CLSTN2: variants seen among roughly 807,000 people sequenced by gnomAD.
The protein encoded by CLSTN2 is calsyntenin 2, also known as calsyntenin-2.
A neutral mutation model predicts 101.2 loss-of-function variants in CLSTN2; 48 were observed. The ratio of observed to expected loss-of-function variants is 0.47; its 90% CI spans 0.38 to 0.60. The LOEUF is 0.60. Ranked by LOEUF, CLSTN2 falls within the 20% of genes least tolerant of loss-of-function variation. The pLI is 0.00. For missense variants in CLSTN2, 1,160 were observed against 1,238.2 expected, an observed-to-expected ratio of 0.94 and a Z score of 0.95; for synonymous variants, 481 against 463.6, an observed-to-expected ratio of 1.04 and a Z score of -0.48.
chr3:140,198,534 G>A (rs1054521092), intron 2 of CLSTN2, among the ~76,000 whole-genome samples: 5 of 152,110 alleles, frequency 3.3e-5, no homozygotes, highest in Admixed American at 6.5e-5. Context: ...GTAAGGTCCC[G>A]GCTTTGTTGC....
At chr3:140,479,127 A>G (rs1256924353) in intron 8 of CLSTN2, among the ~76,000 whole-genome samples, 1 of 152,220 alleles carries the variant, frequency 6.6e-6, no homozygotes, top group East Asian at 1.9e-4. Context: ...AAAGAAAATG[A>G]AAAGATCTGA....
intron 1 of CLSTN2, among the ~76,000 whole-genome samples, chr3:139,975,669 C>G (rs997254602): frequency 6.6e-6 from 1 of 152,156 alleles, no homozygotes; most frequent in Non-Finnish European, 1.5e-5. Context: ...AAGACAGGGA[C>G]TGTGTTCTGG....
intron 2 of CLSTN2, among the ~76,000 whole-genome samples, chr3:140,338,043 A>T (rs1458675474): frequency 6.6e-6 from 1 of 152,154 alleles, no homozygotes; most frequent in African/African-American, 2.4e-5. Context: ...ATCTTAAATT[A>T]TTGAAAATGC....
intron 1 of CLSTN2, among the ~76,000 whole-genome samples, chr3:140,049,678 A>G (rs576210846): frequency 1.1e-4 from 17 of 152,188 alleles, no homozygotes; most frequent in Non-Finnish European, 2.5e-4. Context: ...AGAGACACAC[A>G]TCAGGATCCC....
intron 1 of CLSTN2, among the ~76,000 whole-genome samples, chr3:140,078,428 A>G (rs2008530281): frequency 6.6e-6 from 1 of 152,196 alleles, no homozygotes; most frequent in Non-Finnish European, 1.5e-5. Flanking sequence ...GATATAATGT[A>G]CTACTGAGAC....
intron 1 of CLSTN2, among the ~76,000 whole-genome samples, chr3:140,128,629 T>C (rs929218472): frequency 2.0e-5 from 3 of 152,154 alleles, no homozygotes; most frequent in Admixed American, 6.6e-5. Context: ...AGTGTGACCT[T>C]CCTTTTGATG....
At chr3:140,142,610 T>C (rs866794928) in intron 1 of CLSTN2, among the ~76,000 whole-genome samples, 7 of 152,368 alleles carry the variant, frequency 4.6e-5, no homozygotes, top group Middle Eastern at 6.8e-3. Flanking sequence ...GTTTTTCTTC[T>C]TATTTTCACA....
At chr3:140,526,719 T>C (rs1012798049) in intron 8 of CLSTN2, among the ~76,000 whole-genome samples, 2 of 150,892 alleles carry the variant, frequency 1.3e-5, no homozygotes, top group African/African-American at 4.9e-5. Context: ...AACAGCATGG[T>C]ACTGGTACAA....
At chr3:140,131,953 C>T (rs4683808) in intron 1 of CLSTN2, among the ~76,000 whole-genome samples, 112,652 of 152,058 alleles carry the variant, frequency 0.74, 43,678 homozygotes, top group East Asian at 0.92. Context: ...ACGTTTAAAA[C>T]GTTGAAGACT....
At chr3:140,355,189 T>G (rs1417778930) in intron 2 of CLSTN2, among the ~76,000 whole-genome samples, 1 of 152,202 alleles carries the variant, frequency 6.6e-6, no homozygotes, top group Non-Finnish European at 1.5e-5. Flanking sequence ...GTAATGACAC[T>G]TCTTAGAATG....
chr3:140,417,492 T>C (rs2107987784), intron 4 of CLSTN2, among the ~76,000 whole-genome samples: 1 of 152,290 alleles, frequency 6.6e-6, no homozygotes, highest in African/African-American at 2.4e-5. Context: ...TAAATTCTAC[T>C]AGAAGAGTGT....
chr3:140,112,844 A>C (rs2009178745), intron 1 of CLSTN2, among the ~76,000 whole-genome samples: 1 of 152,184 alleles, frequency 6.6e-6, no homozygotes, highest in African/African-American at 2.4e-5. Flanking sequence ...CTTTGCAAAC[A>C]TGCCTTTAGA....
At chr3:140,028,399 A>G (rs940442882) in intron 1 of CLSTN2, among the ~76,000 whole-genome samples, 1 of 152,024 alleles carries the variant, frequency 6.6e-6, no homozygotes, top group African/African-American at 2.4e-5. Context: ...ATACTCCCAA[A>G]CACCAGGGCA....
chr3:140,178,832 C>T (rs1056376012), intron 2 of CLSTN2, among the ~76,000 whole-genome samples: 28 of 152,302 alleles, frequency 1.8e-4, no homozygotes, highest in Admixed American at 8.5e-4. Flanking sequence ...TTTTAGTCCT[C>T]GCTTATCAGC....
intron 2 of CLSTN2, among the ~76,000 whole-genome samples, chr3:140,371,869 C>A (rs2087861498): frequency 6.6e-6 from 1 of 152,190 alleles, no homozygotes; most frequent in Non-Finnish European, 1.5e-5. Context: ...ACCCCAGGGA[C>A]ATACCTACAT....
intron 2 of CLSTN2, among the ~76,000 whole-genome samples, chr3:140,215,091 C>G (rs1442947170): frequency 1.3e-5 from 2 of 152,188 alleles, no homozygotes; most frequent in African/African-American, 4.8e-5. Flanking sequence ...GGAAGATTCT[C>G]TTTTCTGCCT....
At chr3:140,123,118 T>G (rs968228322) in intron 1 of CLSTN2, among the ~76,000 whole-genome samples, 3 of 136,038 alleles carry the variant, frequency 2.2e-5, no homozygotes, top group Non-Finnish European at 4.6e-5. Context: ...TAGTGAGGGC[T>G]GACTTTCTTG....
chr3:140,494,649 G>T (rs1934424700), intron 8 of CLSTN2, among the ~76,000 whole-genome samples: 1 of 152,058 alleles, frequency 6.6e-6, no homozygotes, highest in Non-Finnish European at 1.5e-5. Flanking sequence ...AGTGTGTGTT[G>T]TGCCCCCTAA....
intron 1 of CLSTN2, among the ~76,000 whole-genome samples, chr3:140,171,673 T>TATAATATATTAATATATAATAC (rs1559797176): frequency 7.7e-5 from 5 of 64,672 alleles, no homozygotes; most frequent in Admixed American, 4.0e-4. Context: ...ATATATAATA[T>TATAATATATTAATATATAATAC]GTATTATATA....
Sources: allele counts gnomAD v4.1 joint callset (sites outside exome capture counted in the v4.1 genomes callset), GRCh38; gene constraint gnomAD v4.1.1; transcripts MANE v1.5; gene names NCBI Gene and HGNC (gene_info 2026-07-23, HGNC 2026-07-21).